ALK: variants seen among roughly 807,000 people sequenced by gnomAD.
ALK encodes ALK tyrosine kinase receptor.
In ALK, 74 loss-of-function variants were observed where a neutral mutation model predicts 163.1. The ratio of observed to expected loss-of-function variants is 0.45; its 90% CI spans 0.38 to 0.55. The LOEUF (loss-of-function observed/expected upper bound fraction) is 0.55, where lower values mean the gene tolerates loss of function less well. ALK is among the 20% of genes least tolerant of loss of function. The probability of loss-of-function intolerance (pLI) is 0.00; values close to 1 mark genes in which losing one functional copy is unlikely to be tolerated. For synonymous variants in ALK, 960 were observed against 843.2 expected, an observed-to-expected ratio of 1.14 and a Z score of -2.40; for missense variants, 2,063 against 2,105.3, an observed-to-expected ratio of 0.98 and a Z score of 0.39.
At chr2:29,451,777 G>C (rs117438969) in intron 4 of ALK, among the ~76,000 whole-genome samples, 253 of 152,212 alleles carry the variant, frequency 1.7e-3, no homozygotes, top group East Asian at 9.7e-3. Flanking sequence ...TGGAGAATAA[G>C]GGCCATAACT....
At chr2:29,719,788 C>T (rs865812395) in intron 1 of ALK, among the ~76,000 whole-genome samples, 3 of 152,158 alleles carry the variant, frequency 2.0e-5, no homozygotes, top group Non-Finnish European at 2.9e-5. Context: ...CAGACTGGTG[C>T]AGGGTGGTCC....
At chr2:29,587,702 G>C (rs1024542482) in intron 3 of ALK, among the ~76,000 whole-genome samples, 2 of 152,112 alleles carry the variant, frequency 1.3e-5, no homozygotes, top group African/African-American at 4.8e-5. Flanking sequence ...CAAGAGCCCG[G>C]GTGAGGGGAG....
At chr2:29,834,602 AT>A (rs1665509363) in intron 1 of ALK, among the ~76,000 whole-genome samples, 3 of 152,214 alleles carry the variant, frequency 2.0e-5, no homozygotes, top group Admixed American at 2.0e-4. Context: ...AAAAATCAAG[AT>A]GAAAAACTGA....
At chr2:29,322,097 C>A (rs1198301406) in intron 6 of ALK, among the ~76,000 whole-genome samples, 1 of 152,244 alleles carries the variant, frequency 6.6e-6, no homozygotes, top group Non-Finnish European at 1.5e-5. Context: ...CCCAGCCTAG[C>A]TGCAGAGAAG....
At chr2:29,248,261 A>G (rs1035058186) in intron 12 of ALK, among the ~76,000 whole-genome samples, 2 of 152,194 alleles carry the variant, frequency 1.3e-5, no homozygotes, top group Non-Finnish European at 2.9e-5. Flanking sequence ...GGATCACTTG[A>G]GGCCAGGAGT....
At chr2:29,793,665 T>C (rs1465422414) in intron 1 of ALK, among the ~76,000 whole-genome samples, 1 of 152,148 alleles carries the variant, frequency 6.6e-6, no homozygotes, top group Non-Finnish European at 1.5e-5. Context: ...TACATCTCCA[T>C]CAGAGCTCTC....
intron 5 of ALK, among the ~76,000 whole-genome samples, chr2:29,354,102 C>T (rs1479529380): frequency 6.6e-6 from 1 of 152,058 alleles, no homozygotes; most frequent in Non-Finnish European, 1.5e-5. Flanking sequence ...GTCTCATGTG[C>T]TGGCCATAAG....
chr2:29,665,001 T>C (rs1161183309), intron 3 of ALK, among the ~76,000 whole-genome samples: 2 of 146,820 alleles, frequency 1.4e-5, no homozygotes, highest in Non-Finnish European at 3.0e-5. Context: ...TTTTCTTTTT[T>C]TCTTTTTTTT....
At chr2:29,850,872 C>G (rs536342370) in intron 1 of ALK, among the ~76,000 whole-genome samples, 1 of 152,292 alleles carries the variant, frequency 6.6e-6, no homozygotes, top group African/African-American at 2.4e-5. Flanking sequence ...CTTTAGCTAC[C>G]CACCCTCTAA....
rs1322503694 is a variant in ALK at position 29,705,263 on chromosome 2, A to C, written c.788-10249T>G. ...GAAATATATATATATATATATATAT[A>C]TATATATATATATATATAAATATAT... On this transcript the variant is annotated intron_variant, in intron 2 of 28. Transcript: ENST00000389048. 5.9e-4 allele frequency among the ~76,000 whole-genome samples: 31 copies of C among 52,184 alleles called. 1 individual carries two copies. Among genetic ancestry groups the C allele is most frequent in the African/African-American group, 3.1e-3 (24 of 7,862 alleles). The allele number at this position is 52,184 out of a possible 152,430, so 34.2% of individuals were successfully genotyped here. A position where few individuals can be genotyped will look rare whatever the true frequency, so the allele number is the denominator to read the frequency against.
At chr2:29,824,590 G>A (rs1295896263) in intron 1 of ALK, among the ~76,000 whole-genome samples, 1 of 152,234 alleles carries the variant, frequency 6.6e-6, no homozygotes, top group African/African-American at 2.4e-5. Flanking sequence ...AGATCATTTT[G>A]GAGATTTAAG....
chr2:29,530,050 A>C (rs1463116224), intron 4 of ALK, among the ~76,000 whole-genome samples: 1 of 142,044 alleles, frequency 7.0e-6, no homozygotes, highest in Non-Finnish European at 1.5e-5. Flanking sequence ...TCAAATAATC[A>C]AAATAATCGC....
chr2:29,377,230 C>T (rs1445160585), intron 5 of ALK, among the ~76,000 whole-genome samples: 1 of 152,132 alleles, frequency 6.6e-6, no homozygotes, highest in Non-Finnish European at 1.5e-5. Context: ...GTAATCCCAG[C>T]ACTTGGGAAG....
At chr2:29,391,210 G>T (rs1264667816) in intron 4 of ALK, among the ~76,000 whole-genome samples, 1 of 151,346 alleles carries the variant, frequency 6.6e-6, no homozygotes, top group Non-Finnish European at 1.5e-5. Context: ...AGGCATAGAA[G>T]ATGTTCCAAA....
chr2:29,482,116 A>C (rs1202300083), intron 4 of ALK, among the ~76,000 whole-genome samples: 1 of 152,170 alleles, frequency 6.6e-6, no homozygotes, highest in Non-Finnish European at 1.5e-5. Flanking sequence ...CTCTTCCCTC[A>C]AGAAAGGCCT....
chr2:29,589,638 C>T (rs1026996082), intron 3 of ALK, among the ~76,000 whole-genome samples: 1 of 152,158 alleles, frequency 6.6e-6, no homozygotes. Flanking sequence ...AGGCTCTGAC[C>T]GGACAACAAT....
At chr2:29,877,031 AAG>A (rs1198899320) in intron 1 of ALK, among the ~76,000 whole-genome samples, 7 of 152,206 alleles carry the variant, frequency 4.6e-5, no homozygotes, top group African/African-American at 1.7e-4. Context: ...TCCAAACTGG[AAG>A]AGAGCTTAGA....
chr2:29,826,183 G>A (rs894060173), intron 1 of ALK, among the ~76,000 whole-genome samples: 3 of 152,074 alleles, frequency 2.0e-5, no homozygotes, highest in African/African-American at 7.2e-5. Context: ...CCTGAGTTCT[G>A]AAATCTCTTT....
At chr2:29,667,629 G>A (rs1677554517) in intron 3 of ALK, among the ~76,000 whole-genome samples, 1 of 151,660 alleles carries the variant, frequency 6.6e-6, no homozygotes, top group African/African-American at 2.4e-5. Context: ...TTGCATCCCT[G>A]GGATAAATCC....
Sources: gnomAD v4.1 joint callset for allele counts (sites outside exome capture counted in the v4.1 genomes callset) on GRCh38, gnomAD v4.1.1 for gene constraint, MANE v1.5 for transcripts, NCBI Gene and HGNC (gene_info 2026-07-23, HGNC 2026-07-21) for gene names.